WDSUB1: variants seen among roughly 807,000 people sequenced by gnomAD.
The protein encoded by WDSUB1 is WD repeat, SAM and U-box domain-containing protein 1.
WDSUB1 carries 49 observed loss-of-function variants against 53.9 expected under a neutral mutation model. The observed-to-expected ratio is 0.91, with a 90% CI of 0.72 to 1.15. WDSUB1 has a LOEUF of 1.15. WDSUB1 is among the 50% of genes most tolerant of loss of function. The pLI, the probability that WDSUB1 is intolerant of heterozygous loss-of-function variation, is 0.00. For missense variants in WDSUB1, 514 were observed against 562.0 expected (o/e 0.91, Z 0.86); for synonymous variants, 194 against 200.6 (o/e 0.97, Z 0.28).
At chr2:159,239,425 G>GTTTATAGATTTTCTATTC (rs2060580699) in intron 10 of WDSUB1, among the ~76,000 whole-genome samples, 1 of 151,994 alleles carries the variant, frequency 6.6e-6, no homozygotes, top group Admixed American at 6.6e-5. Flanking sequence ...AATTCATATT[G>GTTTATAGATTTTCTATTC]TTTATAGATT....
Position 159,279,867 on chromosome 2 carries a change from T to C in WDSUB1, c.477A>G (p.Ser159=). The C allele has an allele frequency of 6.2e-7, 1 of 1,612,596 alleles. No individual in the cohort carries two copies. The change falls in exon 3 of 11, where the codon TCA becomes TCG. Residue 159 remains serine, a synonymous_variant. Transcript: ENST00000359774. ...PNGSFFVTGS[S]CGDLTVWDDK... is the part of the protein sequence containing the mutation. ...CATCCCACACTGTTAAATCACCACA[T>C]GAGGAGCCAGTGACAAAGAAGCTTC...
intron 3 of WDSUB1, 36 bp downstream of exon 3, chr2:159,279,725 G>A (rs747944281): frequency 6.5e-7 from 1 of 1,549,866 alleles, no homozygotes; most frequent in Non-Finnish European, 8.7e-7. Flanking sequence ...ATTACAAATA[G>A]GAATTTCTAG....
intron 10 of WDSUB1, 104 bp from the exon 11 acceptor site, chr2:159,236,294 C>T (rs2060480184): frequency 8.9e-7 from 1 of 1,121,926 alleles, no homozygotes; most frequent in African/African-American, 1.6e-5. Context: ...TTTATTGTGA[C>T]TTAAGGGTTA....
At chr2:159,239,448 G>C (rs1428447259) in intron 10 of WDSUB1, among the ~76,000 whole-genome samples, 1 of 151,948 alleles carries the variant, frequency 6.6e-6, no homozygotes, top group African/African-American at 2.4e-5. Context: ...CTATTCTTTT[G>C]GGCTTTCTAC....
chr2:159,253,209 G>T (rs1248214500), intron 9 of WDSUB1, among the ~76,000 whole-genome samples: 1 of 152,168 alleles, frequency 6.6e-6, no homozygotes, highest in Non-Finnish European at 1.5e-5. Context: ...TGTTATAGTA[G>T]TAGTCACAAA....
intron 9 of WDSUB1, among the ~76,000 whole-genome samples, chr2:159,250,731 G>A (rs2060932784): frequency 6.6e-6 from 1 of 152,188 alleles, no homozygotes; most frequent in Non-Finnish European, 1.5e-5. Flanking sequence ...GAAAATAAGA[G>A]TAGAGATAGA....
chr2:159,247,467 G>A (rs1312090268), intron 10 of WDSUB1, among the ~76,000 whole-genome samples: 1 of 152,002 alleles, frequency 6.6e-6, no homozygotes, highest in Non-Finnish European at 1.5e-5. Flanking sequence ...AAAAGTAAAT[G>A]GAGTTATAAA....
intron 4 of WDSUB1, among the ~76,000 whole-genome samples, chr2:159,274,148 A>G (rs181503933): frequency 6.6e-6 from 1 of 152,354 alleles, no homozygotes; most frequent in East Asian, 1.9e-4. Flanking sequence ...GTATAAAAGA[A>G]TAACAGCCCA....
intron 1 of WDSUB1, among the ~76,000 whole-genome samples, chr2:159,286,091 G>C (rs10173105): frequency 0.2 from 30,451 of 151,986 alleles, 4,757 homozygotes; most frequent in East Asian, 0.46. Flanking sequence ...CTTGGGGTAG[G>C]GGGGGCGGTG....
chr2:159,282,593 T>A lies in WDSUB1; in HGVS notation c.398+79A>T, dbSNP rs1387099871. 3.7e-5 allele frequency: 55 copies of A among 1,489,522 alleles called. 1 individual carries two copies. The highest frequency in any genetic ancestry group is 5.0e-5 in the Non-Finnish European group (55 of 1,099,180). The allele number at this position is 1,489,522 out of a possible 1,614,324, so 92.3% of individuals were successfully genotyped here. On this transcript the variant is annotated intron_variant, in intron 2 of 10. Transcript: ENST00000359774. ...TACATCACTTAGACTGTGCAGAGTA[T>A]CAAAATATTTTGCTTTCAGTTTTTT...
At chr2:159,248,705 A>G (rs1300790792) in intron 9 of WDSUB1, among the ~76,000 whole-genome samples, 193 bp from the exon 10 acceptor site, 1 of 152,200 alleles carries the variant, frequency 6.6e-6, no homozygotes, top group Non-Finnish European at 1.5e-5. Context: ...TCCTGGGCTC[A>G]AGTGATCCTC....
intron 5 of WDSUB1, among the ~76,000 whole-genome samples, chr2:159,268,210 G>C (rs557972494): frequency 6.6e-6 from 1 of 152,322 alleles, no homozygotes; most frequent in African/African-American, 2.4e-5. Context: ...CTACTAAATA[G>C]AAAAGAGGGG....
rs776205439 is a variant in WDSUB1, at chr2:159,275,129, ATTCCAAAAC to A, written c.676+408_676+416del. On this transcript the variant is annotated intron_variant, in intron 4 of 10. Coordinates refer to ENST00000359774, the MANE Select transcript of WDSUB1 (RefSeq NM_001128212.3). ...AAGAAATAACATAACGGAATAGTTT[ATTCCAAAAC>A]TGTACAAAATAAGCTTCCTGACTGA... Among the ~76,000 whole-genome samples the A allele has an allele frequency of 5.6e-4, 86 of 152,342 alleles. 1 individual carries two copies. The highest frequency in any genetic ancestry group is 3.4e-3 in the Middle Eastern group (1 of 294).
intron 5 of WDSUB1, among the ~76,000 whole-genome samples, chr2:159,268,473 T>C (rs945046836): frequency 2.0e-5 from 3 of 152,210 alleles, no homozygotes. Flanking sequence ...TCTACAATAA[T>C]GACAACAACA....
At chr2:159,241,719 CTTT>C (rs527377114) in intron 10 of WDSUB1, among the ~76,000 whole-genome samples, 2 of 130,332 alleles carry the variant, frequency 1.5e-5, no homozygotes, top group Non-Finnish European at 1.6e-5. Flanking sequence ...TTTCTTTTTT[CTTT>C]TTTTTTTTGA....
intron 1 of WDSUB1, among the ~76,000 whole-genome samples, chr2:159,285,200 CAACT>C (rs1168818634): frequency 2.6e-5 from 4 of 152,050 alleles, no homozygotes; most frequent in African/African-American, 2.4e-5. Flanking sequence ...TGTTCGAGCC[CAACT>C]GAGTTCCAGC....
chr2:159,284,773 A>G (rs2061752055), intron 1 of WDSUB1, among the ~76,000 whole-genome samples: 1 of 152,212 alleles, frequency 6.6e-6, no homozygotes. Context: ...TTATGTAATC[A>G]AAATCCTATA....
At chr2:159,283,263 G>C (rs1275571982) in intron 1 of WDSUB1, among the ~76,000 whole-genome samples, 170 bp from the exon 2 acceptor site, 1 of 152,218 alleles carries the variant, frequency 6.6e-6, no homozygotes, top group East Asian at 1.9e-4. Flanking sequence ...TTTCATGGAA[G>C]ACAATTATTC....
At chr2:159,242,216 A>T (rs1476697956) in intron 10 of WDSUB1, among the ~76,000 whole-genome samples, 3 of 146,418 alleles carry the variant, frequency 2.0e-5, no homozygotes, top group Admixed American at 2.0e-4. Flanking sequence ...ACACCCAGCT[A>T]ATTTTTTTTT....
Sources: allele counts gnomAD v4.1 joint callset (sites outside exome capture counted in the v4.1 genomes callset), GRCh38; gene constraint gnomAD v4.1.1; transcripts MANE v1.5; gene names NCBI Gene and HGNC (gene_info 2026-07-23, HGNC 2026-07-21).